The following PKLR variants were observed in gnomAD, a reference collection of about 807,000 sequenced individuals.
PKLR encodes pyruvate kinase PKLR.
Under a neutral mutation model 53.6 loss-of-function variants are expected in PKLR, and 38 were observed. The observed-to-expected ratio is 0.71, with a 90% CI of 0.55 to 0.93. The LOEUF is 0.93. PKLR is among the 40% of genes least tolerant of loss of function. PKLR has a pLI of 0.00. For missense variants in PKLR, 702 were observed against 787.3 expected, an observed-to-expected ratio of 0.89 and a Z score of 1.30; for synonymous variants, 328 against 316.2, an observed-to-expected ratio of 1.04 and a Z score of -0.39.
upstream of PKLR, among the ~76,000 whole-genome samples, chr1:155,302,522 C>G (rs944953002): frequency 2.0e-5 from 3 of 151,972 alleles, no homozygotes; most frequent in Non-Finnish European, 2.9e-5. Context: ...CAGGTGTGAG[C>G]CACTGTGCCT....
chr1:155,301,516 G>A (rs1647989249), upstream of PKLR: 2 of 1,308,772 alleles, frequency 1.5e-6, no homozygotes, highest in Admixed American at 3.9e-5. Flanking sequence ...AGGCCACCCT[G>A]TCCCCACAGA....
chr1:155,300,358 G>T, intron 1 of PKLR, 78 bp from the exon 2 acceptor site: 1 of 1,149,802 alleles, frequency 8.7e-7, no homozygotes, highest in Non-Finnish European at 1.3e-6. Context: ...CATACCCTCT[G>T]TTCCTTCCCT....
rs1311931274 is a variant in PKLR at position 155,295,622 on chromosome 1, G to A, written c.375+43C>T. 3 of 1,613,774 alleles carry A rather than the reference G, an allele frequency of 1.9e-6. No individual in the cohort carries two copies. The African/African-American group carries it at 4.0e-5, about 22-fold the overall frequency. On this transcript the variant is annotated intron_variant, in intron 3 of 10. Coordinates refer to ENST00000342741, the MANE Select transcript of PKLR (RefSeq NM_000298.6). The surrounding 1 kb of genome is among the most constrained non-coding windows in gnomAD (Gnocchi z 4.3). ...AGGGGAAGGTGGCCAGGACCTCGAG[G>A]CATCCTCCTGCCCCACCCACTGCCC...
Position 155,295,774 on chromosome 1 carries a change from C to T in PKLR, c.284-18G>A, listed in dbSNP as rs1256407244. 1.2e-6 allele frequency: 2 copies of T among 1,607,584 alleles called. No individual in the cohort carries two copies. Among genetic ancestry groups the T allele is most frequent in the African/African-American group, 1.3e-5 (1 of 74,808 alleles). ...TGCTGGCCCTAGAACCAGAGATTCA[C>T]GTTCAGACAACGTTCCCCCAGAACA... On this transcript the variant is annotated intron_variant, in intron 2 of 10. Transcript: ENST00000342741. The surrounding 1 kb of genome is among the most constrained non-coding windows in gnomAD (Gnocchi z 4.3).
At chr1:155,298,084 TCAC>T (rs1490550837) in intron 2 of PKLR, among the ~76,000 whole-genome samples, 3 of 152,268 alleles carry the variant, frequency 2.0e-5, no homozygotes, top group African/African-American at 4.8e-5. Context: ...TCTCGCTCTG[TCAC>T]CAGGCTGGAG....
chr1:155,308,634 T>G, the PKLR span: 4 of 985,344 alleles, frequency 4.1e-6, no homozygotes, highest in African/African-American at 7.0e-5. Context: ...GTTCCCAGCC[T>G]GGCTCGCTTC....
chr1:155,298,995 TTTC>T (rs1647786089), intron 2 of PKLR, among the ~76,000 whole-genome samples: 4 of 97,614 alleles, frequency 4.1e-5, no homozygotes, highest in African/African-American at 2.3e-4. Flanking sequence ...TCTTTCTTTC[TTTC>T]TTTCTTTCTT....
chr1:155,294,757 G>A lies in PKLR; in HGVS notation c.695-5C>T. ...GGGTCACCAGTCCCTCTGGGCCTGC[G>A]GACATGGAAAGAGCCAGCTGCGGTC... On this transcript the variant is annotated splice_polypyrimidine_tract_variant and splice_region_variant and intron_variant, in intron 5 of 10. Coordinates refer to ENST00000342741, the MANE Select transcript of PKLR (RefSeq NM_000298.6). The A allele has an allele frequency of 6.2e-7, 1 of 1,613,828 alleles. No homozygotes were observed. Among genetic ancestry groups the A allele is most frequent in the Non-Finnish European group, 8.5e-7 (1 of 1,180,008 alleles).
At chr1:155,304,078 G>A (rs4971072), upstream of PKLR, among the ~76,000 whole-genome samples, 76,726 of 151,824 alleles carry the variant, frequency 0.51, 24,058 homozygotes, top group Middle Eastern at 0.69. Context: ...AATGTGGTGG[G>A]TTTACCCAGG....
rs189360283 is a variant in PKLR, at chr1:155,293,268, G to A, written c.1345C>T (p.Arg449Cys). ...ATGGCGGTGACCTCAGTGGGATCAC[G>A]GCTTAGTGGCGCTGCCCGACGTAGC... The part of the protein sequence containing the change: ...EELRRAAPLS[R>C]DPTEVTAIGA... The change falls in exon 9 of 11, where the codon CGT becomes TGT. Residue 449 changes from arginine (R) to cysteine (C), a missense_variant. Around this residue, in one of 2 missense-constraint regions of PKLR, gnomAD observed 183 missense variants for 250.2 expected, o/e 0.73. Coordinates refer to ENST00000342741, the MANE Select transcript of PKLR (RefSeq NM_000298.6). This position sits in a 1 kb window ranked among gnomAD's most constrained non-coding sequence, Gnocchi z 4.2. The A allele has an allele frequency of 2.9e-5, 47 of 1,614,218 alleles. No homozygotes were observed. The highest frequency in any genetic ancestry group is 2.3e-4 in the African/African-American group (17 of 75,052).
At chr1:155,301,265 A>C in intron 1 of PKLR, 31 bp downstream of exon 1, 1 of 1,612,220 alleles carries the variant, frequency 6.2e-7, no homozygotes, top group Non-Finnish European at 8.5e-7. Context: ...TTTTCCTCCT[A>C]TGTTCCATGG....
intron 7 of PKLR, 48 bp downstream of exon 7, chr1:155,294,187 T>A: frequency 6.3e-7 from 1 of 1,597,284 alleles, no homozygotes; most frequent in Non-Finnish European, 8.6e-7. Context: ...CACCCACAGG[T>A]GTCCCTAAAA....
Position 155,293,121 on chromosome 1 carries a change from T to TGC in PKLR, c.1436+55_1436+56insGC. ...AGACTAAACCCAAGCCTGGGGCCCG[T>TGC]CCCAGCCCACCCCTGACCCAAAGCT... On this transcript the variant is annotated intron_variant, in intron 9 of 10. Coordinates refer to ENST00000342741, the MANE Select transcript of PKLR (RefSeq NM_000298.6). This position sits in a 1 kb window ranked among gnomAD's most constrained non-coding sequence, Gnocchi z 4.2. 2.3e-5 allele frequency: 36 copies of TGC among 1,542,214 alleles called. No homozygotes were observed. Among genetic ancestry groups the TGC allele is most frequent in the Middle Eastern group, 1.7e-4 (1 of 5,892 alleles).
chr1:155,294,479 C>T lies in PKLR; in HGVS notation c.965+3G>A, dbSNP rs1647429303. 6.2e-7 allele frequency: 1 copy of T among 1,614,274 alleles called. No individual in the cohort carries two copies. ...CCGAAGGGGAACAGAGCCCAAGCCT[C>T]ACCTCTTCACGCCTTCGTGGTTCTC... On this transcript the variant is annotated splice_donor_region_variant and intron_variant, in intron 6 of 10. Transcript: ENST00000342741.
At chr1:155,299,491 CTTTTTTTTTTTTTTTTT>C (rs35869567) in intron 2 of PKLR, among the ~76,000 whole-genome samples, 1 of 42,710 alleles carries the variant, frequency 2.3e-5, no homozygotes, top group Admixed American at 4.0e-4. Flanking sequence ...GCCCAGCCCA[CTTTTTTTTTTTTTTTTT>C]TTTTTTTTTT....
chr1:155,296,153 G>A (rs1043805661), intron 2 of PKLR, among the ~76,000 whole-genome samples: 1 of 152,152 alleles, frequency 6.6e-6, no homozygotes, highest in African/African-American at 2.4e-5. Context: ...ATGGACTGAG[G>A]AGAGCTGAGT....
At chr1:155,308,557 C>T in the PKLR span, 1 of 985,402 alleles carries the variant, frequency 1.0e-6, no homozygotes, top group Non-Finnish European at 1.2e-6. Context: ...TACTAACGTG[C>T]CAATCAGCTG....
At chr1:155,303,371 A>G (rs1253062275), upstream of PKLR, among the ~76,000 whole-genome samples, 1 of 152,176 alleles carries the variant, frequency 6.6e-6, no homozygotes, top group Non-Finnish European at 1.5e-5. Flanking sequence ...TTCATTAGTT[A>G]CCATTTGCCC....
In PKLR at chr1:155,297,042, T is replaced by A. The variant is rs568476866; in HGVS notation, c.284-1286A>T. Among the ~76,000 whole-genome samples, 6 of 152,270 alleles carry A rather than the reference T, an allele frequency of 3.9e-5. No individual in the cohort carries two copies. In the South Asian group the frequency reaches 1.2e-3, roughly 32 times the overall value. On this transcript the variant is annotated intron_variant, in intron 2 of 10. Transcript: ENST00000342741. ...GCTGCACCCTCTCTTGGTTGACTCC[T>A]ACCTCACTAGCTGCTCTTTCCCAGT...
Sources: allele counts gnomAD v4.1 joint callset (sites outside exome capture counted in the v4.1 genomes callset), GRCh38; gene constraint gnomAD v4.1.1; regional missense constraint gnomAD v4.1.1; non-coding constraint Gnocchi (gnomAD v3.1); transcripts MANE v1.5; gene names NCBI Gene and HGNC (gene_info 2026-07-23, HGNC 2026-07-21).